Variants in FBXO36 observed in about 807,000 individuals in gnomAD.
FBXO36 encodes F-box only protein 36.
FBXO36 carries 18 observed loss-of-function variants against 17.0 expected under a neutral mutation model. The ratio of observed to expected loss-of-function variants is 1.06; its 90% CI spans 0.73 to 1.57. The LOEUF is 1.57. Ranked by LOEUF, FBXO36 falls within the 40% of genes most tolerant of loss-of-function variation. The pLI is 0.00. For missense variants in FBXO36, 229 were observed against 221.9 expected, an observed-to-expected ratio of 1.03 and a Z score of -0.20; for synonymous variants, 83 against 85.3, an observed-to-expected ratio of 0.97 and a Z score of 0.15.
intron 1 of FBXO36, among the ~76,000 whole-genome samples, chr2:229,953,870 T>C (rs962985385): frequency 4.6e-5 from 7 of 151,864 alleles, no homozygotes; most frequent in Admixed American, 2.6e-4. Flanking sequence ...AATTATTTCT[T>C]TTTTTTTAAA....
chr2:229,996,396 A>G (rs1289681520), intron 2 of FBXO36, among the ~76,000 whole-genome samples: 2 of 152,206 alleles, frequency 1.3e-5, no homozygotes, highest in Non-Finnish European at 2.9e-5. Flanking sequence ...TTTCCTCCAC[A>G]TAGCTGCCTG....
At chr2:229,926,047 T>G (rs932425734) in intron 1 of FBXO36, among the ~76,000 whole-genome samples, 1 of 150,820 alleles carries the variant, frequency 6.6e-6, no homozygotes, top group African/African-American at 2.4e-5. Flanking sequence ...CCCAGAATTT[T>G]GGGAGGCTCA....
At chr2:229,992,879 G>A (rs1196730219) in intron 2 of FBXO36, among the ~76,000 whole-genome samples, 1 of 152,096 alleles carries the variant, frequency 6.6e-6, no homozygotes. Context: ...TATACACATG[G>A]CTGAGAAATC....
At chr2:229,984,833 G>A (rs1403671156) in intron 2 of FBXO36, among the ~76,000 whole-genome samples, 1 of 152,132 alleles carries the variant, frequency 6.6e-6, no homozygotes, top group African/African-American at 2.4e-5. Flanking sequence ...GGCATTTTCG[G>A]ATGGTTTCCA....
chr2:230,002,845 T>A (rs2077367065), intron 3 of FBXO36, among the ~76,000 whole-genome samples: 1 of 152,210 alleles, frequency 6.6e-6, no homozygotes, highest in South Asian at 2.1e-4. Flanking sequence ...AAGGATGATA[T>A]AAAGTTTTTG....
intron 3 of FBXO36, among the ~76,000 whole-genome samples, chr2:229,997,784 G>A (rs76632740): frequency 0.025 from 3,742 of 152,236 alleles, 78 homozygotes; most frequent in Non-Finnish European, 0.039. Flanking sequence ...TCAGCAGAAT[G>A]ACCCAAGAGC....
chr2:229,978,984 C>T (rs139017878), intron 2 of FBXO36, among the ~76,000 whole-genome samples: 1,734 of 151,710 alleles, frequency 0.011, 31 homozygotes, highest in African/African-American at 0.038. Context: ...TGAGACCAGC[C>T]TGGCCAACAT....
At chr2:230,001,445 G>C (rs892431800) in intron 3 of FBXO36, among the ~76,000 whole-genome samples, 1 of 151,774 alleles carries the variant, frequency 6.6e-6, no homozygotes, top group African/African-American at 2.4e-5. Flanking sequence ...CCACCACTGT[G>C]CCTGGCTAAT....
intron 1 of FBXO36, among the ~76,000 whole-genome samples, chr2:229,944,508 T>G (rs1259063374): frequency 6.6e-6 from 1 of 152,130 alleles, no homozygotes; most frequent in Non-Finnish European, 1.5e-5. Flanking sequence ...TACCCAAAAG[T>G]GTAGACTTTG....
chr2:229,971,692 C>CT (rs1182736018), intron 1 of FBXO36, among the ~76,000 whole-genome samples: 24 of 148,308 alleles, frequency 1.6e-4, no homozygotes, highest in Admixed American at 4.0e-4. Context: ...ATTAATTTAA[C>CT]TTTTTTTTTT....
intron 1 of FBXO36, among the ~76,000 whole-genome samples, chr2:229,962,937 A>G (rs1247495915): frequency 6.6e-6 from 1 of 152,152 alleles, no homozygotes; most frequent in Admixed American, 6.5e-5. Context: ...TTGGCCTCCC[A>G]AAGTGCTGGG....
intron 2 of FBXO36, among the ~76,000 whole-genome samples, chr2:229,988,828 G>GTTT (rs11321192): frequency 7.7e-6 from 1 of 129,356 alleles, no homozygotes; most frequent in African/African-American, 2.9e-5. Flanking sequence ...ATGCTGGCCT[G>GTTT]TTTTTTTTTT....
chr2:229,926,290 G>C (rs764115926), intron 1 of FBXO36, among the ~76,000 whole-genome samples: 1 of 151,706 alleles, frequency 6.6e-6, no homozygotes, highest in Non-Finnish European at 1.5e-5. Flanking sequence ...AATTAGCTGG[G>C]CATGGTGATG....
At chr2:229,984,471 AC>A (rs1347682801) in intron 2 of FBXO36, among the ~76,000 whole-genome samples, 35,767 of 149,976 alleles carry the variant, frequency 0.24, 4,526 homozygotes, top group South Asian at 0.29. Context: ...GCTCACTGCA[AC>A]GCCGCTCCCG....
intron 1 of FBXO36, among the ~76,000 whole-genome samples, chr2:229,973,079 G>T (rs1273959499): frequency 6.9e-6 from 1 of 145,962 alleles, no homozygotes; most frequent in Non-Finnish European, 1.5e-5. Context: ...AAAAGAAAAA[G>T]ATATTGTGTA....
rs757773581 is a variant in FBXO36, at chr2:229,995,595, TC to T, written c.206-1155del. 7.1e-3 allele frequency among the ~76,000 whole-genome samples: 1,000 copies of T among 140,766 alleles called. 53 individuals are homozygous for T. Among genetic ancestry groups the T allele is most frequent in the African/African-American group, 0.02 (754 of 37,662 alleles). 92.3% of individuals were successfully genotyped at this position (140,766 alleles called of 152,430 possible). A position where few individuals can be genotyped will look rare whatever the true frequency, so the allele number is the denominator to read the frequency against. On this transcript the variant is annotated intron_variant, in intron 2 of 3. Coordinates refer to ENST00000283946, the MANE Select transcript of FBXO36 (RefSeq NM_174899.5). ...CTTTCTTTCTTTCTCTTTCTTTCTT[TC>T]TTTTTTTTTTTTTTGGACAGAATTT... is the stretch of plus-strand genomic sequence containing the variant.
At chr2:229,979,703 C>T (rs2077228162) in intron 2 of FBXO36, among the ~76,000 whole-genome samples, 1 of 151,508 alleles carries the variant, frequency 6.6e-6, no homozygotes, top group Admixed American at 6.6e-5. Context: ...TCACTTGAAC[C>T]CGGGAGGCGG....
intron 1 of FBXO36, among the ~76,000 whole-genome samples, chr2:229,970,649 G>C (rs761097518): frequency 6.6e-6 from 1 of 152,134 alleles, no homozygotes; most frequent in South Asian, 2.1e-4. Flanking sequence ...ACAATATTCC[G>C]TGTGAAACAC....
intron 2 of FBXO36, among the ~76,000 whole-genome samples, chr2:229,988,844 G>T (rs13012634): frequency 0.32 from 36,468 of 113,278 alleles, 5,833 homozygotes; most frequent in Middle Eastern, 0.47. Flanking sequence ...TTTTTTTTTT[G>T]TTTTTTTTTT....
Sources: allele counts gnomAD v4.1 joint callset (sites outside exome capture counted in the v4.1 genomes callset), GRCh38; gene constraint gnomAD v4.1.1; transcripts MANE v1.5; gene names NCBI Gene and HGNC (gene_info 2026-07-23, HGNC 2026-07-21).